The following MPP2 variants were observed in gnomAD, a reference collection of about 807,000 sequenced individuals.
MPP2 encodes MAGUK p55 scaffold protein 2.
In MPP2, 42 loss-of-function variants were observed where a neutral mutation model predicts 58.5. The observed-to-expected ratio is 0.72, with a 90% confidence interval of 0.56 to 0.93. The LOEUF is 0.93. Among genes scored for constraint, MPP2 ranks in the 40% least tolerant of loss-of-function variants. MPP2 has a pLI of 0.00. For missense variants in MPP2, 632 were observed against 760.4 expected (o/e 0.83, Z 1.99); for synonymous variants, 300 against 307.8 (o/e 0.97, Z 0.26).
intron 3 of MPP2, 81 bp from the exon 4 acceptor site, chr17:43,883,436 C>T: frequency 2.0e-6 from 3 of 1,486,254 alleles, no homozygotes; most frequent in Non-Finnish European, 2.7e-6. Flanking sequence ...CCCTCAGCCC[C>T]CAGGCATTTT....
intron 3 of MPP2, among the ~76,000 whole-genome samples, chr17:43,887,742 G>C (rs1056055941): frequency 1.3e-5 from 2 of 151,976 alleles, no homozygotes; most frequent in Non-Finnish European, 2.9e-5. Context: ...AGGAGTTCAA[G>C]ACAGCAAGAC....
At chr17:43,901,049 C>G (rs2048077241) in intron 2 of MPP2, among the ~76,000 whole-genome samples, 1 of 152,158 alleles carries the variant, frequency 6.6e-6, no homozygotes, top group Non-Finnish European at 1.5e-5. Flanking sequence ...GCCCTCTGAC[C>G]TCTGCTCTCA....
chr17:43,906,046 GATCC>G, intron 1 of MPP2: 3 of 959,394 alleles, frequency 3.1e-6, no homozygotes, highest in Non-Finnish European at 3.7e-6. Context: ...AGGGAGGAGG[GATCC>G]CTTCCCTCCC....
At chr17:43,902,916 C>G (rs977873299) in intron 2 of MPP2, among the ~76,000 whole-genome samples, 2 of 152,180 alleles carry the variant, frequency 1.3e-5, no homozygotes, top group African/African-American at 4.8e-5. Flanking sequence ...TAGAATATAC[C>G]TTTTGTGCAT....
chr17:43,892,749 T>G (rs1303951047), intron 3 of MPP2, among the ~76,000 whole-genome samples: 1 of 152,218 alleles, frequency 6.6e-6, no homozygotes, highest in Non-Finnish European at 1.5e-5. Context: ...GAAAAAATCC[T>G]GACCAGCTTC....
At position 43,907,529 on chromosome 17, in the gene MPP2, C is replaced by A; in HGVS notation, c.-89G>T. The stretch of plus-strand genomic sequence containing the variant: ...GGCTCCAGCGCAGCCGGGCGCTCAG[C>A]GTTTATTGCTTGTCAATCGCTAGCC... On this transcript the variant is annotated 5_prime_UTR_variant, in exon 1 of 13. Coordinates refer to ENST00000269095, the MANE Select transcript of MPP2 (RefSeq NM_005374.5). The A allele has an allele frequency of 1.0e-6, 1 of 985,514 alleles. No homozygotes were observed. The highest frequency in any genetic ancestry group is 6.1e-5 in the Admixed American group (1 of 16,296). The allele number at this position is 985,514 out of a possible 1,614,324, so 61.0% of individuals were successfully genotyped here.
Position 43,877,609 on chromosome 17 carries a change from G to T in MPP2, c.*198C>A. 1.6e-6 allele frequency: 1 copy of T among 609,562 alleles called. No individual in the cohort carries two copies. The highest frequency in any genetic ancestry group is 2.9e-6 in the Non-Finnish European group (1 of 341,042). 37.8% of individuals were successfully genotyped at this position (609,562 alleles called of 1,614,324 possible). On this transcript the variant is annotated 3_prime_UTR_variant, in exon 13 of 13. Transcript: ENST00000269095. ...AGGAGTGGGCAGCACCTGGGCACAA[G>T]GTACCCCATGAATGCCCACCTCCCT...
chr17:43,881,676 G>A lies in MPP2; in HGVS notation c.682-87C>T, dbSNP rs74582745. 9.8e-3 allele frequency: 14,712 copies of A among 1,501,840 alleles called. 392 individuals carry two copies. The African/African-American group carries it at 0.098, about 10-fold the overall frequency. 93.0% of individuals were successfully genotyped at this position (1,501,840 alleles called of 1,614,324 possible). ...CTACCCCATGCCCCCTCTTTTCACA[G>A]AGACTAAGGGGCAATGGAACTGTCC... On this transcript the variant is annotated intron_variant, in intron 6 of 12. Transcript: ENST00000269095.
intron 2 of MPP2, chr17:43,901,378 T>C (rs1466667398): frequency 1.0e-6 from 1 of 985,382 alleles, no homozygotes; most frequent in Admixed American, 6.1e-5. Flanking sequence ...GTCAGGCATC[T>C]TGGAACTCAG....
intron 2 of MPP2, among the ~76,000 whole-genome samples, chr17:43,902,428 G>C (rs1030910838): frequency 3.3e-5 from 5 of 152,198 alleles, no homozygotes; most frequent in Non-Finnish European, 5.9e-5. Flanking sequence ...ACAGGCTCAG[G>C]GGTGGGTTTA....
At chr17:43,907,401 A>G in intron 1 of MPP2, 73 bp downstream of exon 1, 1 of 985,614 alleles carries the variant, frequency 1.0e-6, no homozygotes, top group Non-Finnish European at 1.2e-6. Flanking sequence ...TAGGGTCCTA[A>G]GTGCCGTGTC....
In MPP2 at chr17:43,877,589, T is replaced by C. The variant is rs1473771038; in HGVS notation, c.*218A>G. 1.8e-6 allele frequency: 1 copy of C among 567,988 alleles called. No homozygotes were observed. Among genetic ancestry groups the C allele is most frequent in the African/African-American group, 1.9e-5 (1 of 53,564 alleles). The allele number at this position is 567,988 out of a possible 1,614,324, so 35.2% of individuals were successfully genotyped here. A position where few individuals can be genotyped will look rare whatever the true frequency, so the allele number is the denominator to read the frequency against. On this transcript the variant is annotated 3_prime_UTR_variant, in exon 13 of 13. Transcript: ENST00000269095. ...TCTGGTGACCAATGGGCATCAGGAG[T>C]GGGCAGCACCTGGGCACAAGGTACC... is the stretch of plus-strand genomic sequence containing the variant.
intron 2 of MPP2, among the ~76,000 whole-genome samples, chr17:43,899,634 G>A (rs554782427): frequency 4.3e-4 from 65 of 152,284 alleles, no homozygotes; most frequent in African/African-American, 1.5e-3. Context: ...TGGAACGCTG[G>A]CAGGAGCTAG....
At chr17:43,883,494 A>G (rs538056539) in intron 3 of MPP2, 139 bp from the exon 4 acceptor site, 2 of 870,920 alleles carry the variant, frequency 2.3e-6, no homozygotes, top group South Asian at 1.8e-5. Context: ...ACTCACTGAC[A>G]ATCATACCCA....
chr17:43,888,667 C>T (rs372372963), intron 3 of MPP2, among the ~76,000 whole-genome samples: 18 of 152,246 alleles, frequency 1.2e-4, no homozygotes, highest in East Asian at 5.8e-4. Context: ...ATCTGGTCCA[C>T]GGATGGAGGA....
rs994862237 is a variant in MPP2, at chr17:43,904,474, A to G, written c.-14T>C. 1.2e-6 allele frequency: 2 copies of G among 1,613,922 alleles called. No individual in the cohort carries two copies. The highest frequency in any genetic ancestry group is 2.2e-5 in the East Asian group (1 of 44,884). ...GGCAACCGGCATGGTGAAGGAGGCA[A>G]GGGCTCTGAAACGTCTCTCCTGGAG... On this transcript the variant is annotated 5_prime_UTR_variant, in exon 2 of 13. Coordinates refer to ENST00000269095, the MANE Select transcript of MPP2 (RefSeq NM_005374.5).
At chr17:43,892,982 TGATGGATGGATGGATGGATGGATG>T (rs6146066) in intron 3 of MPP2, among the ~76,000 whole-genome samples, 291 of 150,386 alleles carry the variant, frequency 1.9e-3, no homozygotes, top group African/African-American at 6.4e-3. Flanking sequence ...AATAGGTATT[TGATGGATGGATGGATGGATGGATG>T]GATGGATGGA....
At position 43,904,418 on chromosome 17, in the gene MPP2, C is replaced by A. The variant is rs891560409; in HGVS notation, c.31+12G>T. 1.9e-6 allele frequency: 3 copies of A among 1,613,720 alleles called. No homozygotes were observed. The highest frequency in any genetic ancestry group is 2.7e-5 in the African/African-American group (2 of 75,030). On this transcript the variant is annotated intron_variant, in intron 2 of 12. Coordinates refer to ENST00000269095, the MANE Select transcript of MPP2 (RefSeq NM_005374.5). ...CCACTGAAATAAGCTAACATCCTCA[C>A]CCCCTTCTTACCAGTTTCAGAGTTG...
rs1267579892 is a variant in MPP2 at position 43,883,368 on chromosome 17, G to A, written c.151-13C>T. 4 of 1,608,458 alleles carry A rather than the reference G, an allele frequency of 2.5e-6. No individual in the cohort carries two copies. Among genetic ancestry groups the A allele is most frequent in the Non-Finnish European group, 3.4e-6 (4 of 1,179,478 alleles). On this transcript the variant is annotated splice_polypyrimidine_tract_variant and intron_variant, in intron 3 of 12. Transcript: ENST00000269095. ...GCCTCTCATGGGCCTGGGGGTGGAA[G>A]CAGAACAGGTGGGGCTAGGAGCTTC...
Sources: gnomAD v4.1 joint callset for allele counts (sites outside exome capture counted in the v4.1 genomes callset) on GRCh38, gnomAD v4.1.1 for gene constraint, MANE v1.5 for transcripts, NCBI Gene and HGNC (gene_info 2026-07-23, HGNC 2026-07-21) for gene names.